Variants in SMG7 observed in about 807,000 individuals in gnomAD.
SMG7 encodes the protein SMG7 nonsense mediated mRNA decay factor.
A neutral mutation model predicts 148.2 loss-of-function variants in SMG7; 34 were observed. That is an observed-to-expected ratio of 0.23 (90% confidence interval 0.17 to 0.31). The LOEUF is 0.31. Among genes scored for constraint, SMG7 ranks in the 10% least tolerant of loss-of-function variants. SMG7 has a pLI of 1.00. For synonymous variants in SMG7, 492 were observed against 515.1 expected (o/e 0.96, Z 0.61); for missense variants, 1,114 against 1,408.4 (o/e 0.79, Z 3.35).
intron 1 of SMG7, among the ~76,000 whole-genome samples, chr1:183,477,263 C>T (rs1439095492): frequency 6.6e-6 from 1 of 152,198 alleles, no homozygotes. Flanking sequence ...CAACTTTCCT[C>T]CTTTTCTTCC....
rs1388448665 is a variant in SMG7, at chr1:183,528,987, C to G, written c.652C>G (p.Pro218Ala). The G allele has an allele frequency of 6.2e-7, 1 of 1,613,602 alleles. No individual in the cohort carries two copies. The highest frequency in any genetic ancestry group is 8.5e-7 in the Non-Finnish European group (1 of 1,179,678). Residue 218 changes from proline (P) to alanine (A), a missense_variant, in exon 7 of 23, where the codon CCT becomes GCT. Pro to Ala is a conservative substitution (Grantham distance 27). This residue lies in a region of SMG7 where 216 missense variants were observed against 329.1 expected (regional missense o/e 0.66). Transcript: ENST00000688051. ...CTGCAGAAGCATTGCTGTGAAGTTC[C>G]CTTTCCCAGCTGCCTCCACTAATCT... ...YYCRSIAVKF[P>A]FPAASTNLQK... is the part of the protein sequence containing the mutation.
chr1:183,531,858 A>C (rs1029419925), intron 8 of SMG7, among the ~76,000 whole-genome samples: 1 of 152,166 alleles, frequency 6.6e-6, no homozygotes, highest in Non-Finnish European at 1.5e-5. Flanking sequence ...AATAAACGCC[A>C]GCTGATTTAG....
Position 183,551,124 on chromosome 1 carries a change from T to C in SMG7, c.3384T>C (p.Ser1128=). The change falls in exon 22 of 23, where the codon AGT becomes AGC. Residue 1128 remains serine, a synonymous_variant. Coordinates refer to ENST00000688051, the MANE Select transcript of SMG7 (RefSeq NM_001375584.1). ...GTTGGCATCAGGCCAGCACTCCGAG[T>C]GGCACCTGGACAGGCCATGGCCCTT... is the stretch of plus-strand genomic sequence containing the variant. ...ESSWHQASTP[S]GTWTGHGPSM... is the part of the protein sequence containing the mutation. 6.2e-7 allele frequency: 1 copy of C among 1,609,792 alleles called. No individual in the cohort carries two copies. The highest frequency in any genetic ancestry group is 8.5e-7 in the Non-Finnish European group (1 of 1,178,900).
At chr1:183,539,127 G>A (rs559258795) in intron 12 of SMG7, among the ~76,000 whole-genome samples, 2 of 152,104 alleles carry the variant, frequency 1.3e-5, no homozygotes, top group African/African-American at 4.8e-5. Flanking sequence ...ACTCCAGCCT[G>A]GGTGACAGAG....
At chr1:183,488,556 C>T (rs779625474) in intron 1 of SMG7, among the ~76,000 whole-genome samples, 14 of 152,126 alleles carry the variant, frequency 9.2e-5, no homozygotes, top group Non-Finnish European at 2.1e-4. Context: ...TTCTCAGTTA[C>T]ACTAAGCATG....
chr1:183,474,300 C>T (rs1024313703), intron 1 of SMG7, among the ~76,000 whole-genome samples: 1 of 152,228 alleles, frequency 6.6e-6, no homozygotes, highest in Non-Finnish European at 1.5e-5. Flanking sequence ...CGGGGGCTCA[C>T]GCCTGTAATC....
intron 1 of SMG7, among the ~76,000 whole-genome samples, chr1:183,487,592 G>C (rs994345185): frequency 6.6e-6 from 1 of 152,172 alleles, no homozygotes; most frequent in Non-Finnish European, 1.5e-5. Flanking sequence ...AAGACACTTT[G>C]CAGAACCTTG....
At chr1:183,473,275 A>G (rs1237295555) in intron 1 of SMG7, among the ~76,000 whole-genome samples, 2 of 152,054 alleles carry the variant, frequency 1.3e-5, no homozygotes, top group African/African-American at 4.8e-5. Flanking sequence ...AGAGGGAGGC[A>G]CTGTGGACAA....
In SMG7 at chr1:183,533,253, T is replaced by G. The variant is rs1013618114; in HGVS notation, c.933T>G (p.Phe311Leu). 1 of 1,613,910 alleles carries G rather than the reference T, an allele frequency of 6.2e-7. No individual in the cohort carries two copies. Among genetic ancestry groups the G allele is most frequent in the Non-Finnish European group, 8.5e-7 (1 of 1,179,896 alleles). ...TTCAACTTCATCACCTTCGTGACTTTAGCAATGAAACCGAGCAGCACACTT... is the reference window on the plus strand; with the variant it reads ...TTCAACTTCATCACCTTCGTGACTTGAGCAATGAAACCGAGCAGCACACTT... The part of the protein sequence containing the change: ...NLFQLHHLRD[F>L]SNETEQHTYS... Residue 311 changes from phenylalanine (F) to leucine (L), a missense_variant, in exon 9 of 23, where the codon TTT (phenylalanine) becomes TTG (leucine). Physicochemically the swap from Phe to Leu is conservative, Grantham distance 22. Transcript: ENST00000688051.
intron 1 of SMG7, chr1:183,472,995 G>A (rs895515960): frequency 9.0e-6 from 3 of 331,604 alleles, no homozygotes; most frequent in Non-Finnish European, 1.6e-5. Context: ...GTGGAGGTGG[G>A]TGTGGAGGAG....
chr1:183,531,995 A>G (rs1666954208), intron 8 of SMG7, among the ~76,000 whole-genome samples: 1 of 152,182 alleles, frequency 6.6e-6, no homozygotes, highest in African/African-American at 2.4e-5. Flanking sequence ...CATTCTAGAC[A>G]TATACAATGA....
Position 183,546,320 on chromosome 1 carries a change from C to T in SMG7, c.2725C>T (p.Pro909Ser), listed in dbSNP as rs539151943. Residue 909 changes from proline (P) to serine (S), a missense_variant, in exon 17 of 23, where the codon CCC (proline) becomes TCC (serine). By Grantham distance (74) the Pro-to-Ser change is moderately conservative (BLOSUM62 -1). Around this residue, in one of 4 missense-constraint regions of SMG7, gnomAD observed 788 missense variants for 894.5 expected, o/e 0.88. Coordinates refer to ENST00000688051, the MANE Select transcript of SMG7 (RefSeq NM_001375584.1). Reference protein sequence around the residue: ...GVFRPEQDPVPRMPFEDPKSS... With the variant: ...GVFRPEQDPVSRMPFEDPKSS... ...CTTCCGTCCAGAGCAGGATCCTGTA[C>T]CCAGAATGCCGTTTGAGGTGTGTGT... is the stretch of plus-strand genomic sequence containing the variant. The T allele has an allele frequency of 6.2e-7, 1 of 1,611,622 alleles. No homozygotes were observed. The highest frequency in any genetic ancestry group is 8.5e-7 in the Non-Finnish European group (1 of 1,178,404).
chr1:183,474,925 G>A lies in SMG7; in HGVS notation c.29+2276G>A, dbSNP rs150192400. On this transcript the variant is annotated intron_variant, in intron 1 of 22. Coordinates refer to ENST00000688051, the MANE Select transcript of SMG7 (RefSeq NM_001375584.1). ...GCAGAGTTATGTAGGTAGGGAAGCT[G>A]GGGGGAAGGGAGGTATTCAGTCCAG... Among the ~76,000 whole-genome samples, 597 of 152,294 alleles carry A rather than the reference G, an allele frequency of 3.9e-3. 14 individuals carry two copies. The highest frequency in any genetic ancestry group is 0.035 in the Admixed American group (539 of 15,292).
intron 1 of SMG7, among the ~76,000 whole-genome samples, chr1:183,486,382 A>G (rs1219335631): frequency 3.3e-5 from 5 of 152,222 alleles, no homozygotes; most frequent in African/African-American, 7.2e-5. Flanking sequence ...AAGCAATGAA[A>G]AGAAGCAAAA....
chr1:183,517,630 A>T, intron 3 of SMG7, 58 bp from the exon 4 acceptor site: 1 of 1,540,750 alleles, frequency 6.5e-7, no homozygotes. Flanking sequence ...TCTCAGGGGG[A>T]CCAGTGTCTG....
At position 183,529,056 on chromosome 1, in the gene SMG7, G is replaced by T. The variant is rs202136732; in HGVS notation, c.707+14G>T. ...AGCACTGGAAAGGTAGGGTTGTTTG[G>T]TTTTTTTTTTCTCTTTCCAAGAGGA... On this transcript the variant is annotated intron_variant, in intron 7 of 22. Transcript: ENST00000688051. The T allele has an allele frequency of 3.2e-4, 470 of 1,473,150 alleles. No individual in the cohort carries two copies. The highest frequency in any genetic ancestry group is 4.2e-4 in the Admixed American group (20 of 47,816). 91.3% of individuals were successfully genotyped at this position (1,473,150 alleles called of 1,614,324 possible).
chr1:183,483,158 A>G (rs1037918462), intron 1 of SMG7, among the ~76,000 whole-genome samples: 1 of 152,156 alleles, frequency 6.6e-6, no homozygotes, highest in Non-Finnish European at 1.5e-5. Flanking sequence ...TATTGCATTA[A>G]TATTCTCATC....
At chr1:183,499,116 A>C (rs1046520518) in intron 1 of SMG7, among the ~76,000 whole-genome samples, 4 of 152,124 alleles carry the variant, frequency 2.6e-5, no homozygotes, top group African/African-American at 9.7e-5. Context: ...TGTTGTCTGG[A>C]TGTGCCATAG....
In SMG7 at chr1:183,542,341, G is replaced by A. The variant is rs1357847588; in HGVS notation, c.1681G>A (p.Gly561Arg). 1 of 1,614,018 alleles carries A rather than the reference G, an allele frequency of 6.2e-7. No individual in the cohort carries two copies. The highest frequency in any genetic ancestry group is 1.7e-5 in the Admixed American group (1 of 60,012). ...IKTREVNRDQ[G>R]RSFPPKEVRR... is the part of the protein sequence containing the mutation. ...GACACGAGAAGTGAACAGAGACCAA[G>A]GAAGAAGTTTTCCTCCCAAAGAGGT... is the stretch of plus-strand genomic sequence containing the variant. Residue 561 changes from glycine (G) to arginine (R), a missense_variant, in exon 14 of 23, where the codon GGA becomes AGA. By Grantham distance (125) the Gly-to-Arg change is moderately radical (BLOSUM62 -2). Coordinates refer to ENST00000688051, the MANE Select transcript of SMG7 (RefSeq NM_001375584.1).
Sources: allele counts gnomAD v4.1 joint callset (sites outside exome capture counted in the v4.1 genomes callset), GRCh38; gene constraint gnomAD v4.1.1; regional missense constraint gnomAD v4.1.1; transcripts MANE v1.5; gene names NCBI Gene and HGNC (gene_info 2026-07-23, HGNC 2026-07-21).